Variants in GRM1 observed in about 807,000 individuals in gnomAD.
GRM1 encodes the protein metabotropic glutamate receptor 1.
In GRM1, 33 loss-of-function variants were observed where a neutral mutation model predicts 90.9. The ratio of observed to expected loss-of-function variants is 0.36; its 90% CI spans 0.28 to 0.49. The LOEUF is 0.49. Ranked by LOEUF, GRM1 falls within the 20% of genes least tolerant of loss-of-function variation. The pLI, the probability that GRM1 is intolerant of heterozygous loss-of-function variation, is 0.99. For missense variants in GRM1, 1,190 were observed against 1,534.3 expected (o/e 0.78, Z 3.75); for synonymous variants, 700 against 613.2 (o/e 1.14, Z -2.09).
At chr6:146,049,178 C>G (rs550813274) in intron 1 of GRM1, among the ~76,000 whole-genome samples, 1 of 151,966 alleles carries the variant, frequency 6.6e-6, no homozygotes, top group Non-Finnish European at 1.5e-5. Flanking sequence ...TAATATAACT[C>G]AGAGGTATGT....
intron 7 of GRM1, among the ~76,000 whole-genome samples, chr6:146,410,279 T>G (rs1777513493): frequency 6.6e-6 from 1 of 151,898 alleles, no homozygotes. Context: ...AAATACAGAG[T>G]CGACTATTTT....
intron 2 of GRM1, among the ~76,000 whole-genome samples, chr6:146,288,456 C>T (rs370076219): frequency 1.4e-3 from 211 of 152,266 alleles, no homozygotes; most frequent in African/African-American, 4.8e-3. Flanking sequence ...CTTTTGGTTA[C>T]TTATGCAGTC....
chr6:146,082,116 GA>G (rs1776382641), intron 1 of GRM1, among the ~76,000 whole-genome samples: 1 of 152,054 alleles, frequency 6.6e-6, no homozygotes, highest in Admixed American at 6.6e-5. Context: ...CTCAAATCTA[GA>G]GACATTAACT....
At chr6:146,130,639 C>T (rs1583045485) in intron 1 of GRM1, among the ~76,000 whole-genome samples, 2 of 151,956 alleles carry the variant, frequency 1.3e-5, no homozygotes, top group Admixed American at 1.3e-4. Context: ...GAAGGTAAAA[C>T]TCCAGAGAAT....
chr6:146,054,400 A>G (rs1775407395), intron 1 of GRM1, among the ~76,000 whole-genome samples: 1 of 152,102 alleles, frequency 6.6e-6, no homozygotes, highest in South Asian at 2.1e-4. Flanking sequence ...TATATAAAAT[A>G]TAATAATTAT....
At chr6:146,357,203 A>G (rs1271979402) in intron 4 of GRM1, among the ~76,000 whole-genome samples, 1 of 152,234 alleles carries the variant, frequency 6.6e-6, no homozygotes, top group Non-Finnish European at 1.5e-5. Flanking sequence ...ATACTTATTC[A>G]AAGAATAACT....
chr6:146,375,518 T>C lies in GRM1; in HGVS notation c.1603-11372T>C, dbSNP rs145200936. On this transcript the variant is annotated intron_variant, in intron 5 of 7. Coordinates refer to ENST00000282753, the MANE Select transcript of GRM1 (RefSeq NM_001278064.2). Reference sequence around the variant, plus strand: ...GTTGAAATCTCCAGTCATTATTGTATTGGGGCCTGTCTCTCTCTATAGCTC... The same window carrying C: ...GTTGAAATCTCCAGTCATTATTGTACTGGGGCCTGTCTCTCTCTATAGCTC... Among the ~76,000 whole-genome samples the C allele has an allele frequency of 3.2e-3, 484 of 152,196 alleles. 4 individuals are homozygous for C. The highest frequency in any genetic ancestry group is 0.011 in the African/African-American group (460 of 41,566).
At chr6:146,068,652 T>C (rs918810725) in intron 1 of GRM1, among the ~76,000 whole-genome samples, 1 of 152,152 alleles carries the variant, frequency 6.6e-6, no homozygotes, top group Non-Finnish European at 1.5e-5. Context: ...TAATAATTGC[T>C]ACAAACCTAT....
At chr6:146,165,677 TTAA>T (rs1777880587) in intron 2 of GRM1, among the ~76,000 whole-genome samples, 1 of 152,146 alleles carries the variant, frequency 6.6e-6, no homozygotes, top group Non-Finnish European at 1.5e-5. Context: ...TACAGACAGA[TTAA>T]TGAGAGCTTT....
chr6:146,410,605 T>A (rs551851825), intron 7 of GRM1, among the ~76,000 whole-genome samples: 1 of 152,174 alleles, frequency 6.6e-6, no homozygotes, highest in African/African-American at 2.4e-5. Flanking sequence ...AGAGGGCCTC[T>A]AGTAAAGGCC....
chr6:146,175,723 C>T (rs1261713192), intron 2 of GRM1, among the ~76,000 whole-genome samples: 1 of 151,634 alleles, frequency 6.6e-6, no homozygotes, highest in Non-Finnish European at 1.5e-5. Flanking sequence ...GTTTTCAGGT[C>T]TTCATGCACA....
chr6:146,259,661 C>A (rs1273113685), intron 2 of GRM1, among the ~76,000 whole-genome samples: 1 of 152,026 alleles, frequency 6.6e-6, no homozygotes, highest in Admixed American at 6.6e-5. Flanking sequence ...AGTAATAATC[C>A]ATTGTATGTA....
intron 2 of GRM1, among the ~76,000 whole-genome samples, chr6:146,278,019 T>A (rs1562576698): frequency 6.6e-6 from 1 of 152,186 alleles, no homozygotes; most frequent in Admixed American, 6.5e-5. Context: ...GATTTTTAAG[T>A]ATCTATTACC....
intron 2 of GRM1, among the ~76,000 whole-genome samples, chr6:146,294,173 T>C (rs1247512320): frequency 1.3e-5 from 2 of 151,884 alleles, no homozygotes; most frequent in African/African-American, 4.8e-5. Context: ...AATAAGCTCA[T>C]TTATTTTCAG....
At chr6:146,186,949 A>G (rs1195791572) in intron 2 of GRM1, among the ~76,000 whole-genome samples, 2 of 152,202 alleles carry the variant, frequency 1.3e-5, no homozygotes, top group African/African-American at 4.8e-5. Flanking sequence ...AAAGGTCTCT[A>G]CCTAGAAATA....
Position 146,376,243 on chromosome 6 carries a change from G to C in GRM1, c.1603-10647G>C, listed in dbSNP as rs184917402. On this transcript the variant is annotated intron_variant, in intron 5 of 7. Coordinates refer to ENST00000282753, the MANE Select transcript of GRM1 (RefSeq NM_001278064.2). ...TATCTTATTATATTGACTATGTCTT[G>C]AAAAGTTGTGGTATTTATTACTTTT... is the stretch of plus-strand genomic sequence containing the variant. Among the ~76,000 whole-genome samples, 17 of 152,112 alleles carry C rather than the reference G, an allele frequency of 1.1e-4. No individual in the cohort carries two copies. The East Asian group carries it at 3.1e-3, about 28-fold the overall frequency.
At chr6:146,119,362 T>C (rs1775891912) in intron 1 of GRM1, among the ~76,000 whole-genome samples, 1 of 152,232 alleles carries the variant, frequency 6.6e-6, no homozygotes. Flanking sequence ...GATGAGTAGA[T>C]TGAAAAAATT....
intron 2 of GRM1, among the ~76,000 whole-genome samples, chr6:146,200,313 A>C (rs1051048046): frequency 4.1e-4 from 63 of 152,266 alleles, no homozygotes; most frequent in African/African-American, 1.4e-3. Flanking sequence ...ACTGCTTGTC[A>C]TGGTTTTCAG....
intron 5 of GRM1, among the ~76,000 whole-genome samples, chr6:146,360,951 T>C (rs1025453550): frequency 1.1e-4 from 17 of 152,046 alleles, no homozygotes; most frequent in African/African-American, 3.9e-4. Context: ...CCTCAAGAGG[T>C]CACTGGATAG....
Sources: allele counts gnomAD v4.1 joint callset (sites outside exome capture counted in the v4.1 genomes callset), GRCh38; gene constraint gnomAD v4.1.1; transcripts MANE v1.5; gene names NCBI Gene and HGNC (gene_info 2026-07-23, HGNC 2026-07-21).